The following KIRREL3 variants were observed in gnomAD, a reference collection of about 807,000 sequenced individuals.
The protein encoded by KIRREL3 is kirre like nephrin family adhesion molecule 3.
In KIRREL3, 36 loss-of-function variants were observed where a neutral mutation model predicts 89.7. The observed-to-expected ratio is 0.40, with a 90% CI of 0.31 to 0.53. The LOEUF is 0.53. KIRREL3 is among the 20% of genes least tolerant of loss of function. The pLI is 0.49. For missense variants in KIRREL3, 864 were observed against 1,056.6 expected (o/e 0.82, Z 2.53); for synonymous variants, 445 against 441.4 (o/e 1.01, Z -0.10).
intron 7 of KIRREL3, 31 bp from the exon 8 acceptor site, chr11:126,449,188 C>T (rs1289312361): frequency 1.9e-6 from 3 of 1,609,722 alleles, no homozygotes; most frequent in Admixed American, 3.3e-5. Flanking sequence ...TGATGTGGGC[C>T]TTGAGTGGCA....
chr11:126,529,795 C>A (rs1033674049), intron 2 of KIRREL3, among the ~76,000 whole-genome samples: 21 of 151,322 alleles, frequency 1.4e-4, no homozygotes, highest in Admixed American at 7.9e-4. Context: ...CTTTTCAGTC[C>A]AATTTTAATT....
In KIRREL3 at chr11:126,924,509, C is replaced by T. The variant is rs973884926; in HGVS notation, c.55+75946G>A. Among the ~76,000 whole-genome samples, 25 of 152,142 alleles carry T rather than the reference C, an allele frequency of 1.6e-4. No individual in the cohort carries two copies. The highest frequency in any genetic ancestry group is 2.1e-4 in the South Asian group (1 of 4,816). On this transcript the variant is annotated intron_variant, in intron 1 of 16. Coordinates refer to ENST00000525144, the MANE Select transcript of KIRREL3 (RefSeq NM_032531.4). This position sits in a 1 kb window ranked among gnomAD's most constrained non-coding sequence, Gnocchi z 4.7. ...AATCCTGTGCCATTATTGTACTTGC[C>T]CGTTTGCAACAAGGAACATCTTTGG...
rs893915777 is a variant in KIRREL3, at chr11:126,900,931, A to G, written c.55+99524T>C. On this transcript the variant is annotated intron_variant, in intron 1 of 16. Coordinates refer to ENST00000525144, the MANE Select transcript of KIRREL3 (RefSeq NM_032531.4). This position sits in a 1 kb window ranked among gnomAD's most constrained non-coding sequence, Gnocchi z 4.4. ...AGGGAAAGTTGGAAGGGGAGGATAG[A>G]AAGATAGGAACCTGAAGGATACTCA... Among the ~76,000 whole-genome samples, 5 of 152,218 alleles carry G rather than the reference A, an allele frequency of 3.3e-5. No individual in the cohort carries two copies. The highest frequency in any genetic ancestry group is 3.3e-4 in the Admixed American group (5 of 15,284).
rs1022673568 is a variant in KIRREL3 at position 126,752,629 on chromosome 11, T to A, written c.56-189717A>T. ...CTCATTGGCACTCTAATGACTACTA[T>A]TCCCCCCCCACCCACTGCCTCCCAA... On this transcript the variant is annotated intron_variant, in intron 1 of 16. Transcript: ENST00000525144. This position sits in a 1 kb window ranked among gnomAD's most constrained non-coding sequence, Gnocchi z 4.8. Among the ~76,000 whole-genome samples the A allele has an allele frequency of 4.3e-4, 66 of 152,236 alleles. No individual in the cohort carries two copies. Among genetic ancestry groups the A allele is most frequent in the African/African-American group, 1.4e-3 (57 of 41,550 alleles).
rs962834385 is a variant in KIRREL3 at position 126,624,422 on chromosome 11, A to T, written c.56-61510T>A. ...TTACACCAGAGATGAGAAAAGCACCATCAGGTGCTTAAAACACAATTATAA... is the reference window on the plus strand; with the variant it reads ...TTACACCAGAGATGAGAAAAGCACCTTCAGGTGCTTAAAACACAATTATAA... On this transcript the variant is annotated intron_variant, in intron 1 of 16. Transcript: ENST00000525144. The surrounding 1 kb of genome is among the most constrained non-coding windows in gnomAD (Gnocchi z 6.0). 1.3e-5 allele frequency among the ~76,000 whole-genome samples: 2 copies of T among 152,228 alleles called. No homozygotes were observed. The highest frequency in any genetic ancestry group is 4.8e-5 in the African/African-American group (2 of 41,454).
In KIRREL3 at chr11:126,684,549, C is replaced by T. The variant is rs569390426; in HGVS notation, c.56-121637G>A. On this transcript the variant is annotated intron_variant, in intron 1 of 16. Transcript: ENST00000525144. This position sits in a 1 kb window ranked among gnomAD's most constrained non-coding sequence, Gnocchi z 4.2. ...ATTTCATCTGGCCGATGTGTCACTT[C>T]AGTATTCTGATGAATTTACCCTACC... is the stretch of plus-strand genomic sequence containing the variant. 6.6e-6 allele frequency among the ~76,000 whole-genome samples: 1 copy of T among 152,332 alleles called. No individual in the cohort carries two copies. Among genetic ancestry groups the T allele is most frequent in the African/African-American group, 2.4e-5 (1 of 41,576 alleles).
In KIRREL3 at chr11:126,689,034, G is replaced by GGGGAGAGAA. The variant is rs1157373499; in HGVS notation, c.56-126131_56-126123dup. Among the ~76,000 whole-genome samples, 3 of 144,916 alleles carry GGGGAGAGAA rather than the reference G, an allele frequency of 2.1e-5. No individual in the cohort carries two copies. The highest frequency in any genetic ancestry group is 3.0e-5 in the Non-Finnish European group (2 of 67,068). The stretch of plus-strand genomic sequence containing the variant: ...GTAGAACTATGTGTGTGTGTGTAAG[G>GGGGAGAGAA]GGGAGAGAAGAGAGAGAGAGAGAGA... On this transcript the variant is annotated intron_variant, in intron 1 of 16. Transcript: ENST00000525144. The surrounding 1 kb of genome is among the most constrained non-coding windows in gnomAD (Gnocchi z 5.2).
intron 1 of KIRREL3, among the ~76,000 whole-genome samples, chr11:126,849,603 C>T (rs894996616): frequency 1.3e-5 from 2 of 152,098 alleles, no homozygotes; most frequent in Non-Finnish European, 2.9e-5. Context: ...CCCTGCTGAC[C>T]GGAAATCAGC....
rs1463503986 is a variant in KIRREL3, at chr11:126,744,123, G to T, written c.56-181211C>A. On this transcript the variant is annotated intron_variant, in intron 1 of 16. Transcript: ENST00000525144. The surrounding 1 kb of genome is among the most constrained non-coding windows in gnomAD (Gnocchi z 4.7). ...GGGGCAGAGGGCCCAGGAAGGTGGA[G>T]CTGTGCTTGGGAAAGTGGTGGACAG... Among the ~76,000 whole-genome samples the T allele has an allele frequency of 6.6e-6, 1 of 152,214 alleles. No individual in the cohort carries two copies. Among genetic ancestry groups the T allele is most frequent in the Non-Finnish European group, 1.5e-5 (1 of 68,046 alleles).
intron 1 of KIRREL3, among the ~76,000 whole-genome samples, chr11:126,675,436 T>A (rs1006766633): frequency 1.3e-4 from 20 of 152,256 alleles, no homozygotes; most frequent in African/African-American, 4.8e-4. Context: ...CATTTAGCAT[T>A]GGCTTACCTC....
rs538620569 is a variant in KIRREL3, at chr11:126,426,944, G to C, written c.1807-1220C>G. On this transcript the variant is annotated intron_variant, in intron 15 of 16. Coordinates refer to ENST00000525144, the MANE Select transcript of KIRREL3 (RefSeq NM_032531.4). Reference sequence around the variant, plus strand: ...CCCTTCTTGCAGATGGGGCTGTCTTGGGGCCAGGAGGTGAAGGGAATGCGA... The same window carrying C: ...CCCTTCTTGCAGATGGGGCTGTCTTCGGGCCAGGAGGTGAAGGGAATGCGA... 2.0e-5 allele frequency among the ~76,000 whole-genome samples: 3 copies of C among 152,288 alleles called. No homozygotes were observed. The East Asian group carries it at 5.8e-4, about 29-fold the overall frequency.
At chr11:126,907,632 G>A in intron 1 of KIRREL3, among the ~76,000 whole-genome samples, 1 of 152,176 alleles carries the variant, frequency 6.6e-6, no homozygotes, top group South Asian at 2.1e-4. Flanking sequence ...ACTATGGCAA[G>A]GTTTGGAGCT....
At position 126,790,204 on chromosome 11, in the gene KIRREL3, C is replaced by T. The variant is rs143012735; in HGVS notation, c.55+210251G>A. Among the ~76,000 whole-genome samples the T allele has an allele frequency of 9.9e-3, 1,513 of 152,314 alleles. 11 individuals are homozygous for T. The highest frequency in any genetic ancestry group is 0.017 in the Non-Finnish European group (1,145 of 68,032). On this transcript the variant is annotated intron_variant, in intron 1 of 16. Coordinates refer to ENST00000525144, the MANE Select transcript of KIRREL3 (RefSeq NM_032531.4). ...TTTCTTGTCCTCTTGCCTCTCTTTCCGCAATCTGAGGTCACCGAACATTGC... is the reference window on the plus strand; with the variant it reads ...TTTCTTGTCCTCTTGCCTCTCTTTCTGCAATCTGAGGTCACCGAACATTGC...
intron 1 of KIRREL3, among the ~76,000 whole-genome samples, chr11:126,582,405 G>A (rs747420968): frequency 3.3e-5 from 5 of 152,188 alleles, no homozygotes; most frequent in Admixed American, 6.5e-5. Context: ...GTATCAGAAC[G>A]CATTCCCCTG....
At chr11:126,914,735 A>G (rs904307437) in intron 1 of KIRREL3, among the ~76,000 whole-genome samples, 1 of 152,266 alleles carries the variant, frequency 6.6e-6, no homozygotes, top group African/African-American at 2.4e-5. Flanking sequence ...TTGAATGAAA[A>G]TATCTTAGTG....
Position 126,924,560 on chromosome 11 carries a change from C to T in KIRREL3, c.55+75895G>A, listed in dbSNP as rs759380974. On this transcript the variant is annotated intron_variant, in intron 1 of 16. Coordinates refer to ENST00000525144, the MANE Select transcript of KIRREL3 (RefSeq NM_032531.4). The surrounding 1 kb of genome is among the most constrained non-coding windows in gnomAD (Gnocchi z 4.7). The stretch of plus-strand genomic sequence containing the variant: ...CTTCACACACCCGACCCACAGACTG[C>T]GCTTCAGCTGCTGCTGACTCCCTCC... 1.1e-4 allele frequency among the ~76,000 whole-genome samples: 17 copies of T among 152,324 alleles called. No homozygotes were observed. The highest frequency in any genetic ancestry group is 2.1e-4 in the South Asian group (1 of 4,828).
chr11:126,911,835 T>C (rs1475802195), intron 1 of KIRREL3, among the ~76,000 whole-genome samples: 1 of 150,854 alleles, frequency 6.6e-6, no homozygotes, highest in South Asian at 2.1e-4. Flanking sequence ...TCCAAAAAAT[T>C]AGCCGGGCGC....
intron 1 of KIRREL3, among the ~76,000 whole-genome samples, chr11:126,631,451 TTCTGA>T (rs371352730): frequency 3.1e-4 from 47 of 152,284 alleles, no homozygotes; most frequent in African/African-American, 1.1e-3. Flanking sequence ...AATCGGAAGA[TTCTGA>T]GCAGATTCCA....
intron 1 of KIRREL3, among the ~76,000 whole-genome samples, chr11:126,839,803 T>C (rs1943903714): frequency 6.6e-6 from 1 of 152,214 alleles, no homozygotes; most frequent in Non-Finnish European, 1.5e-5. Context: ...AAAATGTACA[T>C]GCACGCTCCT....
Sources: gnomAD v4.1 joint callset for allele counts (sites outside exome capture counted in the v4.1 genomes callset) on GRCh38, gnomAD v4.1.1 for gene constraint, Gnocchi (gnomAD v3.1) non-coding constraint, MANE v1.5 for transcripts, NCBI Gene and HGNC (gene_info 2026-07-23, HGNC 2026-07-21) for gene names.